Variants in ARB2A observed in about 807,000 individuals in gnomAD.
ARB2A encodes the protein ARB2 cotranscriptional regulator A, also known as cotranscriptional regulator ARB2A.
At chr5:93,822,868 T>C in the ARB2A span, among the ~76,000 whole-genome samples, 1 of 152,132 alleles carries the variant, frequency 6.6e-6, no homozygotes, top group Non-Finnish European at 1.5e-5. Flanking sequence ...TAACGATTTA[T>C]TGATCTTAAG....
chr5:93,642,272 C>T, the ARB2A span, among the ~76,000 whole-genome samples: 1 of 150,912 alleles, frequency 6.6e-6, no homozygotes, highest in African/African-American at 2.4e-5. Flanking sequence ...ACTATCATGG[C>T]TTACCCATAA....
the ARB2A span, among the ~76,000 whole-genome samples, chr5:93,707,339 T>C: frequency 3.9e-5 from 6 of 152,274 alleles, no homozygotes; most frequent in South Asian, 4.1e-4. Context: ...CTTGGTAAGA[T>C]TGGGGAAGTC....
chr5:94,074,856 ATCTC>A, the ARB2A span: 1 of 813,480 alleles, frequency 1.2e-6, no homozygotes. Flanking sequence ...GTCAGGATTA[ATCTC>A]TCTATGCTAA....
the ARB2A span, among the ~76,000 whole-genome samples, chr5:93,687,825 A>G: frequency 6.6e-6 from 1 of 152,138 alleles, no homozygotes; most frequent in South Asian, 2.1e-4. Context: ...AAATGTAGAT[A>G]TTTTTATTTG....
the ARB2A span, chr5:93,741,342 G>A: frequency 6.2e-7 from 1 of 1,611,508 alleles, no homozygotes; most frequent in Non-Finnish European, 8.5e-7. Context: ...GTGCTATCCA[G>A]CCCCGGAATT....
the ARB2A span, among the ~76,000 whole-genome samples, chr5:93,705,019 G>T: frequency 1.3e-5 from 2 of 152,192 alleles, no homozygotes; most frequent in Non-Finnish European, 1.5e-5. Flanking sequence ...TCACAGGACT[G>T]TAGGTACATA....
the ARB2A span, among the ~76,000 whole-genome samples, chr5:93,796,674 T>A: frequency 2.6e-5 from 4 of 152,190 alleles, no homozygotes; most frequent in African/African-American, 9.7e-5. Context: ...AAACTTCTAT[T>A]CAACTAACTT....
the ARB2A span, chr5:93,862,970 T>TTTTG: frequency 2.0e-5 from 3 of 152,090 alleles, no homozygotes; most frequent in Non-Finnish European, 4.4e-5. Flanking sequence ...AACTGCTTGT[T>TTTTG]TTTGTTTGTT....
the ARB2A span, among the ~76,000 whole-genome samples, chr5:93,668,902 C>T: frequency 6.6e-6 from 1 of 152,160 alleles, no homozygotes; most frequent in Non-Finnish European, 1.5e-5. Flanking sequence ...ACTCAATCTA[C>T]CAGGTCTGTC....
the ARB2A span, among the ~76,000 whole-genome samples, chr5:93,694,820 G>A: frequency 6.6e-6 from 1 of 152,104 alleles, no homozygotes; most frequent in Admixed American, 6.5e-5. Context: ...AAAACAGCAC[G>A]GTACTGGTAC....
the ARB2A span, among the ~76,000 whole-genome samples, chr5:93,908,199 T>C: frequency 6.6e-6 from 1 of 150,986 alleles, no homozygotes; most frequent in Non-Finnish European, 1.5e-5. Context: ...CATAAGAAAA[T>C]AGAAAATTAG....
chr5:94,089,419 T>C, the ARB2A span, among the ~76,000 whole-genome samples: 2 of 152,220 alleles, frequency 1.3e-5, no homozygotes, highest in East Asian at 3.8e-4. Flanking sequence ...TCCACTCAGT[T>C]TGCTAGAAGA....
the ARB2A span, among the ~76,000 whole-genome samples, chr5:93,828,145 T>C: frequency 6.6e-6 from 1 of 152,156 alleles, no homozygotes; most frequent in African/African-American, 2.4e-5. Flanking sequence ...ATTGGTAGCT[T>C]GATGGGGATG....
chr5:93,742,895 C>T, the ARB2A span: 1 of 152,304 alleles, frequency 6.6e-6, no homozygotes, highest in East Asian at 1.9e-4. Context: ...TCATTATCCA[C>T]ACTTCTAAAC....
At chr5:93,729,198 T>C in the ARB2A span, among the ~76,000 whole-genome samples, 10,675 of 152,168 alleles carry the variant, frequency 0.07, 485 homozygotes, top group African/African-American at 0.12. Context: ...TCCATATATT[T>C]CCACTGAGTT....
chr5:94,034,640 C>T, the ARB2A span, among the ~76,000 whole-genome samples: 39 of 152,178 alleles, frequency 2.6e-4, no homozygotes, highest in Non-Finnish European at 3.8e-4. Context: ...TCAAATTGCA[C>T]CAACTTTGCC....
At chr5:94,038,839 T>C in the ARB2A span, among the ~76,000 whole-genome samples, 1 of 151,978 alleles carries the variant, frequency 6.6e-6, no homozygotes, top group Non-Finnish European at 1.5e-5. Flanking sequence ...GGGGTTTTTG[T>C]TTAGATTTCT....
the ARB2A span, among the ~76,000 whole-genome samples, chr5:93,898,061 A>C: frequency 6.6e-6 from 1 of 151,962 alleles, no homozygotes; most frequent in Non-Finnish European, 1.5e-5. Flanking sequence ...CTGCTTTGGA[A>C]TCTATGTCCT....
chr5:93,883,895 A>G, the ARB2A span, among the ~76,000 whole-genome samples: 1 of 145,840 alleles, frequency 6.9e-6, no homozygotes, highest in Non-Finnish European at 1.5e-5. Flanking sequence ...ATTGAACTTT[A>G]AACACACATA....
Sources: gnomAD v4.1 joint callset for allele counts (sites outside exome capture counted in the v4.1 genomes callset) on GRCh38, gnomAD v4.1.1 for gene constraint, MANE v1.5 for transcripts, NCBI Gene and HGNC (gene_info 2026-07-23, HGNC 2026-07-21) for gene names.